Variants in CCDC60 observed in about 807,000 individuals in gnomAD.
The protein encoded by CCDC60 is coiled-coil domain containing 60, also known as coiled-coil domain-containing protein 60.
A neutral mutation model predicts 63.5 loss-of-function variants in CCDC60; 54 were observed. That is an observed-to-expected ratio of 0.85 (90% CI 0.68 to 1.07). The LOEUF is 1.07. Among genes scored for constraint, CCDC60 ranks in the 50% least tolerant of loss-of-function variants. The pLI, the probability that CCDC60 is intolerant of heterozygous loss-of-function variation, is 0.00. For synonymous variants in CCDC60, 206 were observed against 238.8 expected, an observed-to-expected ratio of 0.86 and a Z score of 1.27; for missense variants, 651 against 684.3, an observed-to-expected ratio of 0.95 and a Z score of 0.54.
intron 1 of CCDC60, among the ~76,000 whole-genome samples, chr12:119,397,143 T>A (rs1003923102): frequency 1.3e-5 from 2 of 152,116 alleles, no homozygotes; most frequent in African/African-American, 4.8e-5. Flanking sequence ...GCTTCAGGAG[T>A]GAAGCTGCAG....
intron 4 of CCDC60, among the ~76,000 whole-genome samples, chr12:119,488,123 T>A (rs1951498578): frequency 6.6e-6 from 1 of 152,190 alleles, no homozygotes; most frequent in African/African-American, 2.4e-5. Context: ...GCCTGAGACA[T>A]ATTTTTAAAC....
At chr12:119,512,559 G>A (rs754709659) in intron 7 of CCDC60, among the ~76,000 whole-genome samples, 1 of 152,184 alleles carries the variant, frequency 6.6e-6, no homozygotes, top group African/African-American at 2.4e-5. Flanking sequence ...CAGGTGCAAT[G>A]GATGGAGATG....
chr12:119,371,314 G>A (rs1194525577), intron 1 of CCDC60, among the ~76,000 whole-genome samples: 1 of 152,196 alleles, frequency 6.6e-6, no homozygotes, highest in Non-Finnish European at 1.5e-5. Flanking sequence ...TGTTCAATAG[G>A]AGAGAGGGGA....
At chr12:119,507,549 T>TAC (rs1566050010) in intron 7 of CCDC60, among the ~76,000 whole-genome samples, 4 of 60,492 alleles carry the variant, frequency 6.6e-5, no homozygotes, top group Non-Finnish European at 8.6e-5. Flanking sequence ...CACATATATA[T>TAC]ACATATATAT....
intron 1 of CCDC60, among the ~76,000 whole-genome samples, chr12:119,426,279 C>T (rs867375164): frequency 2.0e-5 from 3 of 152,126 alleles, no homozygotes; most frequent in Admixed American, 6.5e-5. Context: ...GATTCAAAGC[C>T]ATCCATATGT....
chr12:119,348,009 G>T (rs1399261238), intron 1 of CCDC60, among the ~76,000 whole-genome samples: 1 of 152,176 alleles, frequency 6.6e-6, no homozygotes, highest in Non-Finnish European at 1.5e-5. Flanking sequence ...GCAGCCAAAA[G>T]GATAACATGA....
chr12:119,432,582 C>T (rs1417327547), intron 2 of CCDC60, among the ~76,000 whole-genome samples: 3 of 152,130 alleles, frequency 2.0e-5, no homozygotes. Context: ...TGAGGGTCTC[C>T]ACAAGAATCT....
chr12:119,453,803 G>A (rs1950676788), intron 2 of CCDC60, among the ~76,000 whole-genome samples: 1 of 152,112 alleles, frequency 6.6e-6, no homozygotes, highest in African/African-American at 2.4e-5. Flanking sequence ...AGAGGGAAGG[G>A]AAGAGGAGCA....
rs376048694 is a variant in CCDC60, at chr12:119,528,617, G to A, written c.1232G>A (p.Arg411His). Residue 411 changes from arginine (R) to histidine (H), a missense_variant and splice_region_variant, in exon 12 of 14, where the codon CGC (arginine) becomes CAC (histidine). By Grantham distance (29) the Arg-to-His change is conservative. Coordinates refer to ENST00000327554, the MANE Select transcript of CCDC60 (RefSeq NM_178499.5). ...CTCTTTCTCATACAACCTTGTAGGC[G>A]CCAAGAAGAGAGAGGTATCCAGAAG... ...LQDKMEILMK[R>H]QEERGIQKFR... 1.9e-6 allele frequency: 3 copies of A among 1,612,428 alleles called. No individual in the cohort carries two copies. Among genetic ancestry groups the A allele is most frequent in the Non-Finnish European group, 1.7e-6 (2 of 1,179,232 alleles).
At chr12:119,355,398 C>G (rs76490155) in intron 1 of CCDC60, among the ~76,000 whole-genome samples, 1,712 of 152,358 alleles carry the variant, frequency 0.011, 30 homozygotes, top group African/African-American at 0.039. Flanking sequence ...CAGTCAGAGC[C>G]TTCATCATGC....
chr12:119,528,207 TG>T (rs1228273115), intron 11 of CCDC60, among the ~76,000 whole-genome samples: 1 of 151,258 alleles, frequency 6.6e-6, no homozygotes, highest in Non-Finnish European at 1.5e-5. Flanking sequence ...ATAAGGGGAG[TG>T]GGGAAGAGAG....
At chr12:119,379,916 G>A (rs1383009246) in intron 1 of CCDC60, among the ~76,000 whole-genome samples, 2 of 152,176 alleles carry the variant, frequency 1.3e-5, no homozygotes, top group Non-Finnish European at 2.9e-5. Flanking sequence ...ATATAGATGT[G>A]CATATACATA....
intron 4 of CCDC60, among the ~76,000 whole-genome samples, chr12:119,484,692 A>C (rs1455191568): frequency 1.3e-5 from 2 of 152,124 alleles, no homozygotes; most frequent in Non-Finnish European, 2.9e-5. Flanking sequence ...CATCCTGGGC[A>C]ACAGAGTGAG....
At chr12:119,386,023 G>A (rs1456988829) in intron 1 of CCDC60, among the ~76,000 whole-genome samples, 1 of 152,182 alleles carries the variant, frequency 6.6e-6, no homozygotes, top group Non-Finnish European at 1.5e-5. Flanking sequence ...TCATTGCTGT[G>A]TCCCCAGCTC....
rs1952489934 is a variant in CCDC60 at position 119,520,319 on chromosome 12, A to G, written c.1040+127A>G. 4 of 744,866 alleles carry G rather than the reference A, an allele frequency of 5.4e-6. No homozygotes were observed. In the Admixed American group the frequency reaches 7.4e-5, roughly 14 times the overall value. The allele number at this position is 744,866 out of a possible 1,614,324, so 46.1% of individuals were successfully genotyped here. A position where few individuals can be genotyped will look rare whatever the true frequency, so the allele number is the denominator to read the frequency against. ...GGAAAGAGGGAACTTTTTCCTTCTTATGACCTCACTAGAAACAAGCCCCTT... is the reference window on the plus strand; with the variant it reads ...GGAAAGAGGGAACTTTTTCCTTCTTGTGACCTCACTAGAAACAAGCCCCTT... On this transcript the variant is annotated intron_variant, in intron 9 of 13. Coordinates refer to ENST00000327554, the MANE Select transcript of CCDC60 (RefSeq NM_178499.5).
At chr12:119,433,473 G>A in intron 2 of CCDC60, 1 of 702,338 alleles carries the variant, frequency 1.4e-6, no homozygotes, top group Non-Finnish European at 2.6e-6. Flanking sequence ...ACAATGAGAT[G>A]TTCCATCTGG....
intron 2 of CCDC60, among the ~76,000 whole-genome samples, chr12:119,459,562 A>G (rs1950817499): frequency 6.6e-6 from 1 of 152,210 alleles, no homozygotes; most frequent in Admixed American, 6.5e-5. Context: ...TCATACAGCC[A>G]GAGGCCACAA....
chr12:119,366,701 G>T (rs1690561274), intron 1 of CCDC60, among the ~76,000 whole-genome samples: 1 of 152,214 alleles, frequency 6.6e-6, no homozygotes, highest in Non-Finnish European at 1.5e-5. Flanking sequence ...GAGATCCAGG[G>T]CAAGGGCAGT....
intron 1 of CCDC60, among the ~76,000 whole-genome samples, chr12:119,368,523 G>T (rs553139202): frequency 5.9e-5 from 9 of 152,246 alleles, no homozygotes; most frequent in African/African-American, 2.2e-4. Context: ...AACACAGGGC[G>T]GTACTCTCGG....
Sources: gnomAD v4.1 joint callset for allele counts (sites outside exome capture counted in the v4.1 genomes callset) on GRCh38, gnomAD v4.1.1 for gene constraint, MANE v1.5 for transcripts, NCBI Gene and HGNC (gene_info 2026-07-23, HGNC 2026-07-21) for gene names.